PAM: variants seen among roughly 807,000 people sequenced by gnomAD.
PAM encodes the protein peptidyl-glycine alpha-amidating monooxygenase.
A neutral mutation model predicts 122.1 loss-of-function variants in PAM; 72 were observed. The observed-to-expected ratio is 0.59, with a 90% CI of 0.49 to 0.72. The LOEUF is 0.72. Ranked by LOEUF, PAM falls within the 30% of genes least tolerant of loss-of-function variation. The probability of loss-of-function intolerance (pLI) is 0.00; values close to 1 mark genes in which losing one functional copy is unlikely to be tolerated. For missense variants in PAM, 1,106 were observed against 1,183.7 expected, an observed-to-expected ratio of 0.93 and a Z score of 0.96; for synonymous variants, 389 against 404.4, an observed-to-expected ratio of 0.96 and a Z score of 0.46.
chr5:102,765,186 A>G (rs1753526384), intron 1 of PAM, among the ~76,000 whole-genome samples: 2 of 152,168 alleles, frequency 1.3e-5, no homozygotes, highest in African/African-American at 4.8e-5. Flanking sequence ...CCATTGTTCC[A>G]AGTTAAAATA....
chr5:102,881,125 T>TACATACACACACACACAC (rs1790846222), intron 3 of PAM, among the ~76,000 whole-genome samples: 1 of 69,058 alleles, frequency 1.4e-5, no homozygotes. Flanking sequence ...ATAATTTTTA[T>TACATACACACACACACAC]ACATACACAC....
At chr5:102,919,017 C>T (rs1371800795) in intron 5 of PAM, among the ~76,000 whole-genome samples, 2 of 152,080 alleles carry the variant, frequency 1.3e-5, no homozygotes, top group Admixed American at 6.6e-5. Flanking sequence ...AAGATGGCTT[C>T]TACAGGTTGT....
chr5:102,952,232 A>G (rs1359054249), intron 12 of PAM, among the ~76,000 whole-genome samples: 1 of 152,038 alleles, frequency 6.6e-6, no homozygotes, highest in Non-Finnish European at 1.5e-5. Context: ...GAGGTTTGTT[A>G]CTTTGGCCAA....
At chr5:102,933,111 TGA>T (rs374955171) in intron 7 of PAM, among the ~76,000 whole-genome samples, 21 of 152,140 alleles carry the variant, frequency 1.4e-4, no homozygotes, top group African/African-American at 4.8e-4. Flanking sequence ...TTAAGTGCCA[TGA>T]GAGAGGGGAT....
intron 1 of PAM, among the ~76,000 whole-genome samples, chr5:102,785,445 G>C (rs1760256001): frequency 1.3e-5 from 2 of 152,250 alleles, no homozygotes; most frequent in Admixed American, 1.3e-4. Context: ...GGACAAACCA[G>C]AGGGTAAGGC....
chr5:102,921,257 C>T (rs116284903), intron 5 of PAM, among the ~76,000 whole-genome samples: 70 of 152,206 alleles, frequency 4.6e-4, no homozygotes, highest in African/African-American at 1.7e-3. Flanking sequence ...AGTTACATTG[C>T]TTCCCAGCCT....
chr5:102,789,103 C>T (rs1219776261), intron 1 of PAM, among the ~76,000 whole-genome samples: 1 of 151,998 alleles, frequency 6.6e-6, no homozygotes, highest in African/African-American at 2.4e-5. Context: ...ATAAACAGTA[C>T]TTTTGTTTTT....
intron 1 of PAM, among the ~76,000 whole-genome samples, chr5:102,795,477 T>A (rs1324418963): frequency 6.6e-6 from 1 of 152,240 alleles, no homozygotes; most frequent in Non-Finnish European, 1.5e-5. Flanking sequence ...CTCGCTGCTT[T>A]AATTTGCGTG....
rs1230362224 is a variant in PAM, at chr5:102,974,197, A to T, written c.1244A>T (p.Lys415Met). 4 of 1,613,726 alleles carry T rather than the reference A, an allele frequency of 2.5e-6. No homozygotes were observed. Among genetic ancestry groups the T allele is most frequent in the Non-Finnish European group, 3.4e-6 (4 of 1,179,792 alleles). The change falls in exon 15 of 26, where the codon AAG becomes ATG. Residue 415 changes from lysine to methionine, a missense_variant. Physicochemically the swap from Lys to Met is moderately conservative, Grantham distance 95. This residue lies in a region of PAM where 670 missense variants were observed against 690.3 expected (regional missense o/e 0.97). Transcript: ENST00000438793. ...VHVHKYNPTE[K>M]AESESDLVAE... is the part of the protein sequence containing the mutation. ...GTGCACAAATATAATCCTACAGAAAAGGCAGAATCAGAGTCAGACCTGGTA... is the reference window on the plus strand; with the variant it reads ...GTGCACAAATATAATCCTACAGAAATGGCAGAATCAGAGTCAGACCTGGTA...
intron 1 of PAM, among the ~76,000 whole-genome samples, chr5:102,769,344 C>T (rs533882793): frequency 2.9e-4 from 44 of 152,160 alleles, no homozygotes; most frequent in African/African-American, 9.4e-4. Flanking sequence ...TGTGCAGAAG[C>T]TTTTTGACTT....
At chr5:102,759,207 G>T (rs1378013972) in intron 1 of PAM, among the ~76,000 whole-genome samples, 1 of 152,200 alleles carries the variant, frequency 6.6e-6, no homozygotes, top group Non-Finnish European at 1.5e-5. Flanking sequence ...AGGGTCCTGG[G>T]TAGGTGAATG....
intron 1 of PAM, among the ~76,000 whole-genome samples, chr5:102,774,723 C>G (rs950907693): frequency 3.9e-5 from 6 of 152,020 alleles, no homozygotes; most frequent in Admixed American, 3.3e-4. Flanking sequence ...TACATGCGAA[C>G]TATTTATAAA....
At chr5:102,944,744 C>T (rs532089117) in intron 7 of PAM, among the ~76,000 whole-genome samples, 1 of 152,210 alleles carries the variant, frequency 6.6e-6, no homozygotes, top group East Asian at 1.9e-4. Context: ...TAAGAATTTC[C>T]TTTTACCCAG....
intron 14 of PAM, among the ~76,000 whole-genome samples, chr5:102,971,278 ATGTAC>A (rs1765749760): frequency 6.6e-6 from 1 of 152,214 alleles, no homozygotes; most frequent in Non-Finnish European, 1.5e-5. Context: ...ACTTTATGAT[ATGTAC>A]TGGACTGGGT....
chr5:102,967,363 A>T (rs536206215), intron 14 of PAM, among the ~76,000 whole-genome samples: 2 of 152,312 alleles, frequency 1.3e-5, no homozygotes, highest in Admixed American at 1.3e-4. Context: ...ATTTTATAAG[A>T]ATCAAAAGTT....
intron 4 of PAM, among the ~76,000 whole-genome samples, chr5:102,905,695 T>C (rs1799327489): frequency 6.6e-6 from 1 of 151,612 alleles, no homozygotes; most frequent in African/African-American, 2.4e-5. Context: ...AGTATCTGTG[T>C]ATGTATGCAT....
At chr5:102,904,692 A>T (rs538648490) in intron 4 of PAM, among the ~76,000 whole-genome samples, 22 of 151,736 alleles carry the variant, frequency 1.4e-4, no homozygotes, top group Non-Finnish European at 2.7e-4. Context: ...TAAAACATAT[A>T]AAAAGGACTT....
intron 7 of PAM, among the ~76,000 whole-genome samples, chr5:102,930,629 A>T (rs975680589): frequency 6.6e-6 from 1 of 152,190 alleles, no homozygotes; most frequent in Non-Finnish European, 1.5e-5. Flanking sequence ...CCTTGCTAGG[A>T]CTTGATTCCT....
chr5:102,940,808 C>G lies in PAM; in HGVS notation c.527-6029C>G, dbSNP rs528459224. ...AAAACTTAATGCCTCAGGAAGGGGACGTGAGTGGAGGATTTTTGGGTGCTG... is the reference window on the plus strand; with the variant it reads ...AAAACTTAATGCCTCAGGAAGGGGAGGTGAGTGGAGGATTTTTGGGTGCTG... On this transcript the variant is annotated intron_variant, in intron 7 of 25. Coordinates refer to ENST00000438793, the MANE Select transcript of PAM (RefSeq NM_001177306.2). 5.3e-5 allele frequency among the ~76,000 whole-genome samples: 8 copies of G among 151,994 alleles called. No individual in the cohort carries two copies. The East Asian group carries it at 1.5e-3, about 29-fold the overall frequency.
Sources: gnomAD v4.1 joint callset for allele counts (sites outside exome capture counted in the v4.1 genomes callset) on GRCh38, gnomAD v4.1.1 for gene constraint, gnomAD v4.1.1 regional missense constraint, MANE v1.5 for transcripts, NCBI Gene and HGNC (gene_info 2026-07-23, HGNC 2026-07-21) for gene names.